RBFOX3: variants seen among roughly 807,000 people sequenced by gnomAD.
RBFOX3 encodes RNA binding protein fox-1 homolog 3.
Under a neutral mutation model 48.7 loss-of-function variants are expected in RBFOX3, and 17 were observed. The observed-to-expected ratio is 0.35, with a 90% confidence interval of 0.24 to 0.52. The LOEUF (loss-of-function observed/expected upper bound fraction) is 0.52. Ranked by LOEUF, RBFOX3 falls within the 20% of genes least tolerant of loss-of-function variation. The probability of loss-of-function intolerance (pLI) is 0.94; values close to 1 mark genes in which losing one functional copy is unlikely to be tolerated. For synonymous variants in RBFOX3, 212 were observed against 209.5 expected (o/e 1.01, Z -0.10); for missense variants, 382 against 497.5 (o/e 0.77, Z 2.21).
At chr17:79,528,987 A>C (rs906590382) in intron 1 of RBFOX3, among the ~76,000 whole-genome samples, 13 of 152,208 alleles carry the variant, frequency 8.5e-5, no homozygotes, top group Non-Finnish European at 1.6e-4. Flanking sequence ...ATGAAGGCAG[A>C]GTGTTAAGTA....
intron 2 of RBFOX3, among the ~76,000 whole-genome samples, chr17:79,405,443 A>G (rs139967871): frequency 1.3e-5 from 2 of 152,154 alleles, no homozygotes; most frequent in African/African-American, 4.8e-5. Flanking sequence ...TTGACATACA[A>G]TGAAATGCAT....
chr17:79,352,114 A>G (rs894229801), intron 2 of RBFOX3, among the ~76,000 whole-genome samples: 1 of 152,016 alleles, frequency 6.6e-6, no homozygotes, highest in Non-Finnish European at 1.5e-5. Context: ...TCCTCCTTTC[A>G]AGGGAAGTTG....
At chr17:79,142,679 G>A (rs1018391526) in intron 4 of RBFOX3, among the ~76,000 whole-genome samples, 14 of 152,174 alleles carry the variant, frequency 9.2e-5, no homozygotes, top group African/African-American at 3.4e-4. Context: ...GGGGTGCCGG[G>A]GGTGCACCTG....
chr17:79,462,260 C>T (rs930222354), intron 2 of RBFOX3, among the ~76,000 whole-genome samples: 6 of 152,228 alleles, frequency 3.9e-5, no homozygotes, highest in Non-Finnish European at 8.8e-5. Context: ...ATAAGATGCA[C>T]AGGCTGCCTG....
intron 3 of RBFOX3, among the ~76,000 whole-genome samples, chr17:79,245,002 C>T (rs2062958892): frequency 6.9e-6 from 1 of 144,352 alleles, no homozygotes. Context: ...CCTCCCTTTT[C>T]TTTTCTTTCC....
rs537807940 is a variant in RBFOX3, at chr17:79,153,280, C to T, written c.-33-37532G>A. Among the ~76,000 whole-genome samples the T allele has an allele frequency of 9.8e-5, 15 of 152,332 alleles. 1 individual carries two copies. The highest frequency in any genetic ancestry group is 9.1e-4 in the Admixed American group (14 of 15,304). On this transcript the variant is annotated intron_variant, in intron 4 of 14. Coordinates refer to ENST00000693108, the MANE Select transcript of RBFOX3 (RefSeq NM_001350451.2). Reference sequence around the variant, plus strand: ...CCCATTTCCCTGCACCCTGTGCTGGCCAAGATGTGCAGAGGGTGTGGCCAG... The same window carrying T: ...CCCATTTCCCTGCACCCTGTGCTGGTCAAGATGTGCAGAGGGTGTGGCCAG...
intron 2 of RBFOX3, among the ~76,000 whole-genome samples, chr17:79,327,960 C>A (rs1359902107): frequency 6.6e-6 from 1 of 152,220 alleles, no homozygotes; most frequent in Non-Finnish European, 1.5e-5. Flanking sequence ...TCCCAAAGTG[C>A]TGGGATTACA....
At chr17:79,561,494 A>G (rs2092213957) in intron 1 of RBFOX3, among the ~76,000 whole-genome samples, 1 of 152,182 alleles carries the variant, frequency 6.6e-6, no homozygotes, top group African/African-American at 2.4e-5. Context: ...GAGTCCCCAG[A>G]GACACACGAA....
chr17:79,304,543 A>C (rs149991051), intron 3 of RBFOX3, among the ~76,000 whole-genome samples: 1 of 151,776 alleles, frequency 6.6e-6, no homozygotes, highest in Non-Finnish European at 1.5e-5. Flanking sequence ...CACATCACAC[A>C]CGCACTGAGG....
At position 79,198,300 on chromosome 17, in the gene RBFOX3, G is replaced by A. The variant is rs2056097590; in HGVS notation, c.-34+37466C>T. Among the ~76,000 whole-genome samples, 1 of 152,222 alleles carries A rather than the reference G, an allele frequency of 6.6e-6. No homozygotes were observed. The highest frequency in any genetic ancestry group is 2.1e-4 in the South Asian group (1 of 4,828). The stretch of plus-strand genomic sequence containing the variant: ...CCTGCACCTCTCCATCCCACATGAG[G>A]CGACCTTGCAGGCACAGGTGCGGAC... On this transcript the variant is annotated intron_variant, in intron 4 of 14. Coordinates refer to ENST00000693108, the MANE Select transcript of RBFOX3 (RefSeq NM_001350451.2). The surrounding 1 kb of genome is among the most constrained non-coding windows in gnomAD (Gnocchi z 8.2).
chr17:79,446,368 C>T (rs568771469), intron 2 of RBFOX3, among the ~76,000 whole-genome samples: 1 of 152,306 alleles, frequency 6.6e-6, no homozygotes, highest in South Asian at 2.1e-4. Context: ...GACCTCAGGG[C>T]TGGGAGGAGA....
intron 2 of RBFOX3, among the ~76,000 whole-genome samples, chr17:79,463,456 C>T (rs111164268): frequency 0.11 from 8,083 of 70,704 alleles, 1,165 homozygotes; most frequent in Non-Finnish European, 0.15. Context: ...CCACCTCCAC[C>T]GCCATCACCA....
At chr17:79,382,874 C>A (rs2060098128) in intron 2 of RBFOX3, among the ~76,000 whole-genome samples, 1 of 152,166 alleles carries the variant, frequency 6.6e-6, no homozygotes, top group Non-Finnish European at 1.5e-5. Context: ...ATTTCCAGAA[C>A]CTTGCTGACC....
At chr17:79,180,161 CCAA>C (rs1364957971) in intron 4 of RBFOX3, among the ~76,000 whole-genome samples, 1 of 152,138 alleles carries the variant, frequency 6.6e-6, no homozygotes, top group Non-Finnish European at 1.5e-5. Flanking sequence ...GACAGAGGGA[CCAA>C]CAACAAGTGC....
At chr17:79,635,844 A>G in the RBFOX3 span, among the ~76,000 whole-genome samples, 1 of 152,266 alleles carries the variant, frequency 6.6e-6, no homozygotes, top group Non-Finnish European at 1.5e-5. Context: ...TCATCATTAA[A>G]GAAATTCAAC....
chr17:79,252,793 T>A lies in RBFOX3; in HGVS notation c.-73-16988A>T, dbSNP rs1447564717. 6.6e-6 allele frequency among the ~76,000 whole-genome samples: 1 copy of A among 152,106 alleles called. No homozygotes were observed. The highest frequency in any genetic ancestry group is 1.5e-5 in the Non-Finnish European group (1 of 68,012). On this transcript the variant is annotated intron_variant, in intron 3 of 14. Transcript: ENST00000693108. The surrounding 1 kb of genome is among the most constrained non-coding windows in gnomAD (Gnocchi z 4.0). ...CCTCTCCTTTCCCTTCCTTTTTGGGTCTTCATGTCCACAGAGAGTGAGGCG... is the reference window on the plus strand; with the variant it reads ...CCTCTCCTTTCCCTTCCTTTTTGGGACTTCATGTCCACAGAGAGTGAGGCG...
chr17:79,395,728 G>A (rs113997495), intron 2 of RBFOX3, among the ~76,000 whole-genome samples: 2,581 of 152,306 alleles, frequency 0.017, 77 homozygotes, highest in African/African-American at 0.059. Context: ...AGGCAGAAGC[G>A]CCTTGCCCAA....
chr17:79,431,463 C>T (rs1555728357), intron 2 of RBFOX3, among the ~76,000 whole-genome samples: 2 of 149,088 alleles, frequency 1.3e-5, no homozygotes, highest in African/African-American at 4.9e-5. Context: ...ACAGGTGCCC[C>T]CCACCCCCCA....
intron 2 of RBFOX3, among the ~76,000 whole-genome samples, chr17:79,399,929 C>T (rs77444374): frequency 0.11 from 17,372 of 152,230 alleles, 1,250 homozygotes; most frequent in East Asian, 0.18. Flanking sequence ...CATCGTTTCC[C>T]ATCACTCAGG....
Sources: allele counts gnomAD v4.1 joint callset (sites outside exome capture counted in the v4.1 genomes callset), GRCh38; gene constraint gnomAD v4.1.1; non-coding constraint Gnocchi (gnomAD v3.1); transcripts MANE v1.5; gene names NCBI Gene and HGNC (gene_info 2026-07-23, HGNC 2026-07-21).